SDK1: variants seen among roughly 807,000 people sequenced by gnomAD.
SDK1 encodes protein sidekick-1.
A neutral mutation model predicts 245.5 loss-of-function variants in SDK1; 157 were observed. That is an observed-to-expected ratio of 0.64 (90% CI 0.56 to 0.73). The LOEUF is 0.73. Among genes scored for constraint, SDK1 ranks in the 30% least tolerant of loss-of-function variants. The pLI, the probability that SDK1 is intolerant of heterozygous loss-of-function variation, is 0.00. For missense variants in SDK1, 3,583 were observed against 3,002.3 expected, an observed-to-expected ratio of 1.19 and a Z score of -4.52; for synonymous variants, 1,647 against 1,278.5, an observed-to-expected ratio of 1.29 and a Z score of -6.15.
chr7:4,013,063 A>G (rs950554359), intron 16 of SDK1, among the ~76,000 whole-genome samples: 2 of 152,226 alleles, frequency 1.3e-5, no homozygotes, highest in African/African-American at 2.4e-5. Context: ...CCCAACTTTT[A>G]GATGTTGGAA....
chr7:4,232,640 A>G (rs1252891114), intron 40 of SDK1, among the ~76,000 whole-genome samples: 2 of 150,830 alleles, frequency 1.3e-5, no homozygotes, highest in Non-Finnish European at 3.0e-5. Flanking sequence ...TAATTTTTAA[A>G]ATTGTGCATA....
chr7:4,204,547 A>C (rs1784083737), intron 35 of SDK1, among the ~76,000 whole-genome samples: 1 of 151,746 alleles, frequency 6.6e-6, no homozygotes, highest in Non-Finnish European at 1.5e-5. Context: ...GTGATGGGGA[A>C]GGGGCGAGTC....
At chr7:3,988,336 C>G (rs1253547756) in intron 14 of SDK1, among the ~76,000 whole-genome samples, 1 of 151,848 alleles carries the variant, frequency 6.6e-6, no homozygotes, top group East Asian at 1.9e-4. Flanking sequence ...CCTTTCCTCT[C>G]TGCCTCAGAC....
chr7:4,259,573 A>C (rs1003069221), intron 44 of SDK1, among the ~76,000 whole-genome samples: 2 of 152,230 alleles, frequency 1.3e-5, no homozygotes, highest in African/African-American at 4.8e-5. Context: ...GAACTGCTCC[A>C]GTAGGGCCGG....
chr7:3,680,178 C>T (rs984981638), intron 4 of SDK1, among the ~76,000 whole-genome samples: 1 of 152,138 alleles, frequency 6.6e-6, no homozygotes, highest in African/African-American at 2.4e-5. Flanking sequence ...TAGGGAAAAA[C>T]CCAATCTCCA....
At chr7:4,109,319 C>T (rs1176778757) in intron 22 of SDK1, among the ~76,000 whole-genome samples, 2 of 152,222 alleles carry the variant, frequency 1.3e-5, no homozygotes, top group Non-Finnish European at 2.9e-5. Flanking sequence ...AAGCCACCAG[C>T]ATGCCTGCTT....
At chr7:4,134,562 T>G (rs1434811604) in intron 28 of SDK1, among the ~76,000 whole-genome samples, 1 of 152,224 alleles carries the variant, frequency 6.6e-6, no homozygotes, top group East Asian at 1.9e-4. Context: ...GTCCCCAGCA[T>G]GCTGTGAAAC....
intron 1 of SDK1, among the ~76,000 whole-genome samples, chr7:3,430,710 C>T (rs1053038884): frequency 6.6e-6 from 1 of 152,146 alleles, no homozygotes; most frequent in Non-Finnish European, 1.5e-5. Flanking sequence ...GTTAGGTATC[C>T]GTGGCTTGTT....
chr7:3,839,913 G>T (rs1453325427), intron 5 of SDK1, among the ~76,000 whole-genome samples: 2 of 152,092 alleles, frequency 1.3e-5, no homozygotes, highest in Admixed American at 6.5e-5. Context: ...AAGCTTTCAA[G>T]CTTAATATAT....
intron 19 of SDK1, among the ~76,000 whole-genome samples, chr7:4,056,546 A>G (rs989302325): frequency 2.6e-5 from 4 of 152,226 alleles, no homozygotes; most frequent in East Asian, 3.9e-4. Flanking sequence ...GGGAACCCAG[A>G]CAGGTTCCCC....
intron 44 of SDK1, among the ~76,000 whole-genome samples, chr7:4,249,023 A>T (rs550643248): frequency 6.6e-6 from 1 of 152,268 alleles, no homozygotes; most frequent in East Asian, 1.9e-4. Context: ...ACACATGCAC[A>T]CATGCCTGCA....
Position 3,381,707 on chromosome 7 carries a change from G to A in SDK1, c.298+79823G>A, listed in dbSNP as rs76086414. On this transcript the variant is annotated intron_variant, in intron 1 of 44. Transcript: ENST00000404826. ...GCCCAGGGGATATGCTTTGAAGGAA[G>A]GAGAAAAGCACCTCTCCTTCCCTAA... Among the ~76,000 whole-genome samples the A allele has an allele frequency of 2.2e-3, 328 of 152,176 alleles. 1 individual carries two copies. Among genetic ancestry groups the A allele is most frequent in the African/African-American group, 7.6e-3 (315 of 41,522 alleles).
intron 35 of SDK1, 37 bp downstream of exon 35, chr7:4,178,623 G>C: frequency 2.1e-6 from 3 of 1,461,226 alleles, no homozygotes; most frequent in Non-Finnish European, 2.9e-6. Flanking sequence ...CTGCCAGAGA[G>C]GGCCACAGTG....
intron 5 of SDK1, among the ~76,000 whole-genome samples, chr7:3,827,294 G>T (rs773527447): frequency 6.6e-6 from 1 of 152,168 alleles, no homozygotes; most frequent in Non-Finnish European, 1.5e-5. Flanking sequence ...CCTATTTTCA[G>T]TCCTTTCATA....
At chr7:3,319,424 C>A (rs1306777047) in intron 1 of SDK1, among the ~76,000 whole-genome samples, 1 of 151,718 alleles carries the variant, frequency 6.6e-6, no homozygotes, top group Non-Finnish European at 1.5e-5. Flanking sequence ...GGTATTAATT[C>A]CTTATCAGTG....
chr7:4,232,411 C>CTTTTTTTTTTTTTTTTTTTTT (rs71032930), intron 40 of SDK1, among the ~76,000 whole-genome samples: 2 of 98,786 alleles, frequency 2.0e-5, no homozygotes, highest in Non-Finnish European at 3.9e-5. Context: ...TCTTTTCTTT[C>CTTTTTTTTTTTTTTTTTTTTT]TTTTTTTTTT....
At chr7:4,093,907 C>G (rs556957048) in intron 22 of SDK1, among the ~76,000 whole-genome samples, 26 of 152,272 alleles carry the variant, frequency 1.7e-4, no homozygotes, top group African/African-American at 5.8e-4. Flanking sequence ...TGGTCCAAAG[C>G]CTCTTGCGAT....
intron 32 of SDK1, among the ~76,000 whole-genome samples, chr7:4,166,525 G>A (rs746839563): frequency 1.3e-5 from 2 of 152,224 alleles, no homozygotes; most frequent in Non-Finnish European, 2.9e-5. Flanking sequence ...AAAGGCTCAC[G>A]GGTGACGTCA....
chr7:4,054,591 C>T (rs1191171915), intron 19 of SDK1, among the ~76,000 whole-genome samples: 1 of 152,196 alleles, frequency 6.6e-6, no homozygotes, highest in East Asian at 1.9e-4. Context: ...TCCAGCTCTT[C>T]CTTTCTAACC....
Sources: allele counts gnomAD v4.1 joint callset (sites outside exome capture counted in the v4.1 genomes callset), GRCh38; gene constraint gnomAD v4.1.1; transcripts MANE v1.5; gene names NCBI Gene and HGNC (gene_info 2026-07-23, HGNC 2026-07-21).